AFAP1L2: variants seen among roughly 807,000 people sequenced by gnomAD.
The protein encoded by AFAP1L2 is actin filament-associated protein 1-like 2.
A neutral mutation model predicts 99.3 loss-of-function variants in AFAP1L2; 46 were observed. The observed-to-expected ratio is 0.46, with a 90% CI of 0.37 to 0.59. The LOEUF (loss-of-function observed/expected upper bound fraction) is 0.59, where lower values mean the gene tolerates loss of function less well. Ranked by LOEUF, AFAP1L2 falls within the 20% of genes least tolerant of loss-of-function variation. The pLI is 0.00. For synonymous variants in AFAP1L2, 397 were observed against 419.1 expected, an observed-to-expected ratio of 0.95 and a Z score of 0.64; for missense variants, 959 against 1,034.9, an observed-to-expected ratio of 0.93 and a Z score of 1.01.
At chr10:114,389,720 C>T (rs2056915085) in intron 1 of AFAP1L2, among the ~76,000 whole-genome samples, 1 of 152,226 alleles carries the variant, frequency 6.6e-6, no homozygotes, top group South Asian at 2.1e-4. Flanking sequence ...CTAACCACCA[C>T]TACAGCCCTC....
chr10:114,389,648 G>T (rs548148316), intron 1 of AFAP1L2, among the ~76,000 whole-genome samples: 1 of 152,158 alleles, frequency 6.6e-6, no homozygotes, highest in South Asian at 2.1e-4. Context: ...GCTATGAAAA[G>T]CCAGCCCTAC....
chr10:114,325,991 T>G, intron 4 of AFAP1L2: 1 of 1,287,958 alleles, frequency 7.8e-7, no homozygotes, highest in African/African-American at 1.5e-5. Flanking sequence ...GTGGGTCCCA[T>G]CTGGAGAAAA....
intron 4 of AFAP1L2, chr10:114,325,863 AG>A: frequency 7.8e-7 from 1 of 1,280,132 alleles, no homozygotes; most frequent in Non-Finnish European, 1.0e-6. Flanking sequence ...TAGGGTCCAC[AG>A]GGAAAGGGTC....
In AFAP1L2 at chr10:114,313,331, G is replaced by A. The variant is rs866609418; in HGVS notation, c.792+540C>T. On this transcript the variant is annotated intron_variant, in intron 7 of 18. Transcript: ENST00000304129. The stretch of plus-strand genomic sequence containing the variant: ...CAAGTGCCTCATAATCACACCCAGG[G>A]ACGCGTGGGCAGAGTGGGCCACGTG... 5.3e-5 allele frequency among the ~76,000 whole-genome samples: 8 copies of A among 152,152 alleles called. No individual in the cohort carries two copies. The South Asian group carries it at 1.7e-3, about 32-fold the overall frequency.
upstream of AFAP1L2, chr10:114,404,555 T>TCA (rs1453142594): frequency 7.1e-7 from 1 of 1,400,786 alleles, no homozygotes; most frequent in Non-Finnish European, 9.2e-7. Context: ...CCCCGTGAGG[T>TCA]CACGCTCGCG....
At chr10:114,346,986 G>C (rs918213813) in intron 1 of AFAP1L2, among the ~76,000 whole-genome samples, 4 of 152,130 alleles carry the variant, frequency 2.6e-5, no homozygotes, top group Admixed American at 1.3e-4. Flanking sequence ...CACTCTTCAC[G>C]GTTTCCCTGC....
chr10:114,345,623 C>T (rs1476196717), intron 1 of AFAP1L2, among the ~76,000 whole-genome samples: 1 of 152,214 alleles, frequency 6.6e-6, no homozygotes, highest in Non-Finnish European at 1.5e-5. Flanking sequence ...TTGGCCACAT[C>T]CCTGATGAGT....
intron 10 of AFAP1L2, among the ~76,000 whole-genome samples, chr10:114,306,991 G>A (rs1344431714): frequency 1.3e-5 from 2 of 152,114 alleles, no homozygotes; most frequent in Non-Finnish European, 2.9e-5. Flanking sequence ...ACTCAGGAAG[G>A]GAACCCAGAG....
chr10:114,301,715 C>G (rs1039116705), intron 12 of AFAP1L2: 3 of 519,316 alleles, frequency 5.8e-6, no homozygotes, highest in Non-Finnish European at 1.0e-5. Flanking sequence ...TACGCCTCGT[C>G]CTAGGATCCC....
intron 1 of AFAP1L2, among the ~76,000 whole-genome samples, chr10:114,357,457 GC>G (rs1198270897): frequency 6.6e-6 from 1 of 152,086 alleles, no homozygotes; most frequent in Non-Finnish European, 1.5e-5. Flanking sequence ...CAGCATTTCA[GC>G]CCCTCCCTGT....
At chr10:114,321,312 G>T (rs189209030) in intron 5 of AFAP1L2, among the ~76,000 whole-genome samples, 18 of 151,816 alleles carry the variant, frequency 1.2e-4, no homozygotes, top group Admixed American at 1.0e-3. Flanking sequence ...CATGCCTTTG[G>T]GTCTTCATTG....
rs2041831891 is a variant in AFAP1L2, at chr10:114,304,737, C to G, written c.1266G>C (p.Glu422Asp). The change falls in exon 11 of 19, where the codon GAG (glutamate) becomes GAC (aspartate). Residue 422 changes from glutamate (E) to aspartate (D), a missense_variant. Physicochemically the swap from Glu to Asp is conservative, Grantham distance 45. This residue lies in a region of AFAP1L2 where 576 missense variants were observed against 562.1 expected (regional missense o/e 1.02). Transcript: ENST00000304129. ...GCGGTACCTCAAGCTTGGCCAGCTC[C>G]TCGCCCTTGTGGAGGATGCGGAAGG... ...LYSFRILHKG[E>D]ELAKLEAKSS... 3.1e-6 allele frequency: 5 copies of G among 1,608,728 alleles called. No individual in the cohort carries two copies. The highest frequency in any genetic ancestry group is 4.2e-6 in the Non-Finnish European group (5 of 1,178,676).
chr10:114,351,296 G>A (rs560209526), intron 1 of AFAP1L2, among the ~76,000 whole-genome samples: 4 of 152,122 alleles, frequency 2.6e-5, no homozygotes, highest in African/African-American at 9.7e-5. Context: ...TGCAGTGGCC[G>A]CTATGTTTTC....
At chr10:114,355,357 C>A (rs1260113468) in intron 1 of AFAP1L2, among the ~76,000 whole-genome samples, 1 of 151,282 alleles carries the variant, frequency 6.6e-6, no homozygotes, top group African/African-American at 2.4e-5. Context: ...CGGATTCACA[C>A]AAACTGCTGT....
intron 2 of AFAP1L2, among the ~76,000 whole-genome samples, chr10:114,337,822 C>T (rs1032356991): frequency 7.9e-5 from 12 of 152,194 alleles, no homozygotes; most frequent in Non-Finnish European, 1.3e-4. Context: ...TGGAACATAT[C>T]GGAAGTGGTG....
downstream of AFAP1L2, chr10:114,290,498 C>T (rs1014320004): frequency 6.0e-5 from 78 of 1,302,664 alleles, 1 homozygote; most frequent in African/African-American, 5.7e-4. Flanking sequence ...CGTTTACCCA[C>T]GAAACATTTA....
chr10:114,340,495 G>C (rs1279401027), intron 2 of AFAP1L2, 108 bp downstream of exon 2: 9 of 1,411,642 alleles, frequency 6.4e-6, no homozygotes, highest in Non-Finnish European at 8.6e-6. Context: ...GAAAATAAGT[G>C]TCATTTATAG....
chr10:114,345,981 C>A (rs2049499856), intron 1 of AFAP1L2, among the ~76,000 whole-genome samples: 1 of 152,144 alleles, frequency 6.6e-6, no homozygotes. Flanking sequence ...CGTGGTGAAC[C>A]AGGCAGCCAT....
At chr10:114,393,826 G>C (rs545492526) in intron 1 of AFAP1L2, among the ~76,000 whole-genome samples, 3 of 152,248 alleles carry the variant, frequency 2.0e-5, no homozygotes, top group East Asian at 3.9e-4. Flanking sequence ...GGAGATGGGC[G>C]CTTGCCCGCT....
Sources: gnomAD v4.1 joint callset for allele counts (sites outside exome capture counted in the v4.1 genomes callset) on GRCh38, gnomAD v4.1.1 for gene constraint, gnomAD v4.1.1 regional missense constraint, MANE v1.5 for transcripts, NCBI Gene and HGNC (gene_info 2026-07-23, HGNC 2026-07-21) for gene names.